APOLD1: variants seen among roughly 807,000 people sequenced by gnomAD.
APOLD1 encodes the protein apolipoprotein L domain containing 1, also known as apolipoprotein L domain-containing protein 1.
In APOLD1, 22 loss-of-function variants were observed where a neutral mutation model predicts 15.3. The ratio of observed to expected loss-of-function variants is 1.44; its 90% CI spans 1.03 to 2.05. The LOEUF (loss-of-function observed/expected upper bound fraction) is 2.05. APOLD1 is among the 30% of genes most tolerant of loss of function. The pLI is 0.00. For missense variants in APOLD1, 394 were observed against 353.5 expected (o/e 1.11, Z -0.92); for synonymous variants, 190 against 167.4 (o/e 1.13, Z -1.04).
At chr12:12,743,295 C>G (rs1946741594) in intron 1 of APOLD1, among the ~76,000 whole-genome samples, 1 of 152,044 alleles carries the variant, frequency 6.6e-6, no homozygotes. Context: ...ACTAACGAGG[C>G]TGAGATGGAG....
chr12:12,763,839 T>A lies in APOLD1; in HGVS notation c.97-23070T>A, dbSNP rs527608595. ...ATATAAATGGTTGTTATACTATCTT[T>A]TTAAGTTTGTATTATTTTTAAGTTT... On this transcript the variant is annotated intron_variant, in intron 1 of 1. Coordinates refer to the APOLD1 transcript ENST00000326765. Among the ~76,000 whole-genome samples, 88 of 152,314 alleles carry A rather than the reference T, an allele frequency of 5.8e-4. 1 individual carries two copies. Among genetic ancestry groups the A allele is most frequent in the Non-Finnish European group, 2.2e-4 (15 of 68,028 alleles).
In APOLD1 at chr12:12,754,552, C is replaced by T. The variant is rs150533969; in HGVS notation, c.96+28456C>T. On this transcript the variant is annotated intron_variant, in intron 1 of 1. Coordinates refer to the APOLD1 transcript ENST00000326765. ...GCAACCTCTGCCTCCTGGGCTGAAG[C>T]GATTCTCCTGCCACAGCCTCCAAGT... 4.3e-3 allele frequency among the ~76,000 whole-genome samples: 659 copies of T among 152,042 alleles called. 3 individuals are homozygous for T. The highest frequency in any genetic ancestry group is 0.015 in the African/African-American group (629 of 41,484).
chr12:12,755,165 C>CT (rs1233559699), intron 1 of APOLD1, among the ~76,000 whole-genome samples: 1 of 152,108 alleles, frequency 6.6e-6, no homozygotes, highest in Non-Finnish European at 1.5e-5. Flanking sequence ...TATATGAAAA[C>CT]TTTATTTGTA....
upstream of APOLD1, among the ~76,000 whole-genome samples, chr12:12,780,807 T>C (rs1279451598): frequency 8.0e-5 from 10 of 124,350 alleles, no homozygotes; most frequent in Admixed American, 8.5e-4. Context: ...CAGGCTGGTA[T>C]TGTATTCCTG....
At chr12:12,726,284 C>G (rs1324309918) in intron 1 of APOLD1, 1 of 691,546 alleles carries the variant, frequency 1.4e-6, no homozygotes, top group Non-Finnish European at 2.6e-6. Context: ...AAAAAGTTTT[C>G]TTTGATTTCC....
intron 1 of APOLD1, among the ~76,000 whole-genome samples, chr12:12,728,121 A>G (rs72656645): frequency 0.21 from 32,093 of 151,188 alleles, 4,201 homozygotes; most frequent in East Asian, 0.45. Context: ...GTGTGCCACC[A>G]CATCCAGCAG....
chr12:12,765,107 G>T (rs914006660), intron 1 of APOLD1, among the ~76,000 whole-genome samples: 12 of 152,146 alleles, frequency 7.9e-5, no homozygotes, highest in Non-Finnish European at 1.2e-4. Flanking sequence ...TAGTCTTCCT[G>T]GTTCTGCAGG....
intron 1 of APOLD1, among the ~76,000 whole-genome samples, chr12:12,753,212 A>G (rs1331963545): frequency 6.6e-6 from 1 of 152,248 alleles, no homozygotes; most frequent in Non-Finnish European, 1.5e-5. Flanking sequence ...AACTCAATAG[A>G]CGATAAAACT....
In APOLD1 at chr12:12,785,695, G is replaced by A. The variant is rs989112396; in HGVS notation, c.3+1G>A. On this transcript the variant is annotated splice_donor_variant, in intron 1 of 1. Transcript: ENST00000356591. LOFTEE classifies it high-confidence loss of function. ...TCCTGGAGGCAGACAGAAGTGAATGGTAAGTGGGGAACCCTGAGGCATATA... is the reference window on the plus strand; with the variant it reads ...TCCTGGAGGCAGACAGAAGTGAATGATAAGTGGGGAACCCTGAGGCATATA... The A allele has an allele frequency of 1.2e-6, 2 of 1,613,830 alleles. No individual in the cohort carries two copies. Among genetic ancestry groups the A allele is most frequent in the South Asian group, 1.1e-5 (1 of 91,078 alleles).
At chr12:12,769,715 C>G (rs1946971260) in intron 1 of APOLD1, among the ~76,000 whole-genome samples, 6 of 152,118 alleles carry the variant, frequency 3.9e-5, no homozygotes, top group Admixed American at 3.9e-4. Flanking sequence ...TTATAACAGC[C>G]TAACTGATCT....
At chr12:12,782,257 T>TCAAA (rs59794394), upstream of APOLD1, among the ~76,000 whole-genome samples, 7,230 of 119,060 alleles carry the variant, frequency 0.061, 213 homozygotes, top group East Asian at 0.2. Flanking sequence ...AGACTCCGTC[T>TCAAA]CAAACAAACA....
chr12:12,772,550 C>T (rs947873815), intron 1 of APOLD1, among the ~76,000 whole-genome samples: 2 of 152,326 alleles, frequency 1.3e-5, no homozygotes, highest in Admixed American at 1.3e-4. Flanking sequence ...GAGACTTCAA[C>T]ATCCCTCTCT....
rs552809684 is a variant in APOLD1, at chr12:12,790,973, A to C, written c.*3321A>C. ...ATAAGTGTACTTCACAAAAATGCCAAAGTTTGAAAAATAGGTATGTTTGTT... is the reference window on the plus strand; with the variant it reads ...ATAAGTGTACTTCACAAAAATGCCACAGTTTGAAAAATAGGTATGTTTGTT... On this transcript the variant is annotated 3_prime_UTR_variant, in exon 2 of 2. Transcript: ENST00000356591. 5 of 152,340 alleles carry C rather than the reference A, an allele frequency of 3.3e-5. No individual in the cohort carries two copies. In the East Asian group the frequency reaches 7.7e-4, roughly 23 times the overall value. 9.4% of individuals were successfully genotyped at this position (152,340 alleles called of 1,614,324 possible). A position where few individuals can be genotyped will look rare whatever the true frequency, so the allele number is the denominator to read the frequency against.
rs1237692240 is a variant in APOLD1, at chr12:12,788,285, C to G, written c.*633C>G. 6.6e-6 allele frequency: 1 copy of G among 152,246 alleles called. No homozygotes were observed. The highest frequency in any genetic ancestry group is 1.5e-5 in the Non-Finnish European group (1 of 68,100). 9.4% of individuals were successfully genotyped at this position (152,246 alleles called of 1,614,324 possible). A position where few individuals can be genotyped will look rare whatever the true frequency, so the allele number is the denominator to read the frequency against. On this transcript the variant is annotated 3_prime_UTR_variant, in exon 2 of 2. Coordinates refer to ENST00000356591, the MANE Select transcript of APOLD1 (RefSeq NM_030817.3). ...TTTCCTGAGTGGCTCCCAATCCAGT[C>G]CTCCAAGTACTCAGAGGGGAAGCCC...
chr12:12,750,196 A>C (rs1304322926), intron 1 of APOLD1, among the ~76,000 whole-genome samples: 1 of 152,076 alleles, frequency 6.6e-6, no homozygotes, highest in African/African-American at 2.4e-5. Context: ...AACATGGAGA[A>C]ACCCTGTCTC....
At chr12:12,733,588 A>T (rs1265331843) in intron 1 of APOLD1, among the ~76,000 whole-genome samples, 2 of 152,180 alleles carry the variant, frequency 1.3e-5, no homozygotes, top group Non-Finnish European at 2.9e-5. Flanking sequence ...GGAAAAAACC[A>T]TGAAGGTATT....
chr12:12,767,618 T>C (rs768850798), intron 1 of APOLD1, among the ~76,000 whole-genome samples: 7 of 152,170 alleles, frequency 4.6e-5, no homozygotes, highest in Admixed American at 6.5e-5. Context: ...ATCGTGCCAC[T>C]GCACTCCAGC....
chr12:12,787,036 G>A lies in APOLD1; in HGVS notation c.131G>A (p.Arg44His). 2 of 1,373,824 alleles carry A rather than the reference G, an allele frequency of 1.5e-6. No individual in the cohort carries two copies. The highest frequency in any genetic ancestry group is 1.7e-5 in the South Asian group (1 of 58,632). The allele number at this position is 1,373,824 out of a possible 1,614,324, so 85.1% of individuals were successfully genotyped here. ...QVLRLREVAR[R>H]LERLRRRSLV... ...CTGCGCCTGCGCGAGGTGGCCCGGC[G>A]CCTGGAGCGCCTGCGCAGGCGCTCC... The change falls in exon 2 of 2, where the codon CGC becomes CAC. Residue 44 changes from arginine (R) to histidine (H), a missense_variant. Arg to His is a conservative substitution (Grantham distance 29). Transcript: ENST00000356591. This position sits in a 1 kb window ranked among gnomAD's most constrained non-coding sequence, Gnocchi z 4.9.
chr12:12,727,436 C>T (rs1323010801), intron 1 of APOLD1, among the ~76,000 whole-genome samples: 13 of 152,098 alleles, frequency 8.5e-5, no homozygotes, highest in Admixed American at 8.5e-4. Flanking sequence ...TTGGACATTA[C>T]TGTTCAAGAC....
Sources: allele counts gnomAD v4.1 joint callset (sites outside exome capture counted in the v4.1 genomes callset), GRCh38; gene constraint gnomAD v4.1.1; non-coding constraint Gnocchi (gnomAD v3.1); transcripts MANE v1.5; gene names NCBI Gene and HGNC (gene_info 2026-07-23, HGNC 2026-07-21).